ASIC2: variants seen among roughly 807,000 people sequenced by gnomAD.
ASIC2 encodes the protein acid-sensing ion channel 2.
ASIC2 carries 25 observed loss-of-function variants against 57.3 expected under a neutral mutation model. The ratio of observed to expected loss-of-function variants is 0.44; its 90% CI spans 0.32 to 0.61. ASIC2 has a LOEUF of 0.61. ASIC2 is among the 20% of genes least tolerant of loss of function. ASIC2 has a pLI of 0.06. For missense variants in ASIC2, 641 were observed against 738.1 expected (o/e 0.87, Z 1.52); for synonymous variants, 319 against 307.5 (o/e 1.04, Z -0.39).
intron 3 of ASIC2, among the ~76,000 whole-genome samples, chr17:33,054,248 T>G (rs1017390053): frequency 1.4e-4 from 22 of 152,150 alleles, no homozygotes; most frequent in African/African-American, 5.1e-4. Context: ...TTAAGCTTTT[T>G]GGGGAGGTAG....
At chr17:34,131,995 C>G (rs1034915092) in intron 1 of ASIC2, among the ~76,000 whole-genome samples, 2 of 152,172 alleles carry the variant, frequency 1.3e-5, no homozygotes, top group African/African-American at 4.8e-5. Flanking sequence ...ATTGTAGGTG[C>G]TGTCCTGGAA....
intron 1 of ASIC2, among the ~76,000 whole-genome samples, chr17:33,895,196 T>C (rs1262207478): frequency 6.6e-6 from 1 of 150,760 alleles, no homozygotes. Context: ...GGAGTCTAAC[T>C]CTGTTGCCCA....
chr17:33,683,630 C>T (rs1908080402), intron 1 of ASIC2, among the ~76,000 whole-genome samples: 1 of 152,186 alleles, frequency 6.6e-6, no homozygotes, highest in Non-Finnish European at 1.5e-5. Flanking sequence ...TAACCTTGAA[C>T]TCTTAGGCTC....
Position 33,140,672 on chromosome 17 carries a change from G to T in ASIC2, c.709-28605C>A, listed in dbSNP as rs2092383910. ...TGTGTTTGGACTGAAACCCACAGGG[G>T]ACCTGATTTGGGAAGCCTGGCAGCA... On this transcript the variant is annotated intron_variant, in intron 1 of 9. Coordinates refer to ENST00000225823, the MANE Select transcript of ASIC2 (RefSeq NM_183377.2). Among the ~76,000 whole-genome samples the T allele has an allele frequency of 2.6e-5, 4 of 152,232 alleles. No homozygotes were observed. The South Asian group carries it at 8.3e-4, about 32-fold the overall frequency.
At chr17:33,694,693 G>C (rs980309466) in intron 1 of ASIC2, among the ~76,000 whole-genome samples, 3 of 152,150 alleles carry the variant, frequency 2.0e-5, no homozygotes, top group African/African-American at 7.2e-5. Flanking sequence ...GTCATATACA[G>C]CCAGAGAGAG....
At chr17:33,729,841 C>G (rs1317208852) in intron 1 of ASIC2, among the ~76,000 whole-genome samples, 1 of 152,144 alleles carries the variant, frequency 6.6e-6, no homozygotes, top group Non-Finnish European at 1.5e-5. Flanking sequence ...TGTAAGCAAA[C>G]TGAGACTCAA....
intron 1 of ASIC2, among the ~76,000 whole-genome samples, chr17:33,432,148 C>G (rs1454828141): frequency 6.6e-6 from 1 of 152,174 alleles, no homozygotes; most frequent in African/African-American, 2.4e-5. Context: ...TCTGCCTCTG[C>G]CACCCCTGAG....
chr17:33,555,608 A>C (rs1441830477), intron 1 of ASIC2, among the ~76,000 whole-genome samples: 1 of 152,106 alleles, frequency 6.6e-6, no homozygotes, highest in Non-Finnish European at 1.5e-5. Flanking sequence ...AGTTAACCCA[A>C]CTCATGAAAT....
intron 1 of ASIC2, among the ~76,000 whole-genome samples, chr17:34,042,871 C>T (rs1908190281): frequency 6.6e-6 from 1 of 152,044 alleles, no homozygotes; most frequent in Non-Finnish European, 1.5e-5. Context: ...ATAATAGCCT[C>T]GAACTAGAAA....
intron 1 of ASIC2, among the ~76,000 whole-genome samples, chr17:33,960,520 C>G (rs1904886424): frequency 6.6e-6 from 1 of 152,188 alleles, no homozygotes; most frequent in South Asian, 2.1e-4. Context: ...TAAAACTCTT[C>G]AAAAGTTTCC....
chr17:33,502,199 A>G (rs1435616487), intron 1 of ASIC2, among the ~76,000 whole-genome samples: 3 of 152,174 alleles, frequency 2.0e-5, no homozygotes, highest in African/African-American at 7.2e-5. Context: ...GTGATTCTCT[A>G]TAAAAAGGGG....
At chr17:34,028,092 G>A (rs752758380) in intron 1 of ASIC2, among the ~76,000 whole-genome samples, 5 of 152,178 alleles carry the variant, frequency 3.3e-5, no homozygotes, top group Non-Finnish European at 4.4e-5. Flanking sequence ...AATATAGTAC[G>A]TAGGTAATCA....
At chr17:33,221,582 T>A (rs558045998) in intron 1 of ASIC2, among the ~76,000 whole-genome samples, 1 of 152,354 alleles carries the variant, frequency 6.6e-6, no homozygotes, top group South Asian at 2.1e-4. Flanking sequence ...ATTTAAGATG[T>A]TTATTTTAAA....
chr17:33,261,018 C>G (rs1276970386), intron 1 of ASIC2, among the ~76,000 whole-genome samples: 1 of 152,216 alleles, frequency 6.6e-6, no homozygotes, highest in Non-Finnish European at 1.5e-5. Flanking sequence ...CAGCTGCAGA[C>G]CCTTGCGCTC....
At chr17:33,505,515 A>G (rs1244693767) in intron 1 of ASIC2, among the ~76,000 whole-genome samples, 3 of 152,234 alleles carry the variant, frequency 2.0e-5, no homozygotes, top group Non-Finnish European at 2.9e-5. Flanking sequence ...CTCCCGCTGT[A>G]TAACGCACAG....
At chr17:33,667,561 A>C (rs1358102811) in intron 1 of ASIC2, among the ~76,000 whole-genome samples, 1 of 152,180 alleles carries the variant, frequency 6.6e-6, no homozygotes, top group African/African-American at 2.4e-5. Flanking sequence ...GGGCTTCCGA[A>C]CCAGACAGCT....
At chr17:33,525,130 C>A (rs1914850401) in intron 1 of ASIC2, among the ~76,000 whole-genome samples, 1 of 152,182 alleles carries the variant, frequency 6.6e-6, no homozygotes. Flanking sequence ...GGCTGCCTTC[C>A]CCTCACTGAG....
At chr17:34,084,471 G>A (rs1009027257) in intron 1 of ASIC2, among the ~76,000 whole-genome samples, 18 of 152,372 alleles carry the variant, frequency 1.2e-4, no homozygotes, top group African/African-American at 3.8e-4. Flanking sequence ...TTTGAAGTCA[G>A]GTAGCGTGAT....
intron 1 of ASIC2, among the ~76,000 whole-genome samples, chr17:34,086,950 G>A (rs1011560974): frequency 8.5e-5 from 13 of 152,064 alleles, no homozygotes; most frequent in Non-Finnish European, 1.5e-4. Flanking sequence ...TGGGAGATGG[G>A]TTTCCTGAAT....
Sources: gnomAD v4.1 joint callset for allele counts (sites outside exome capture counted in the v4.1 genomes callset) on GRCh38, gnomAD v4.1.1 for gene constraint, MANE v1.5 for transcripts, NCBI Gene and HGNC (gene_info 2026-07-23, HGNC 2026-07-21) for gene names.